The following GSE1 variants were observed in gnomAD, a reference collection of about 807,000 sequenced individuals.
GSE1 encodes the protein Gse1 coiled-coil protein, also known as genetic suppressor element 1.
Under a neutral mutation model 112.6 loss-of-function variants are expected in GSE1, and 32 were observed. That is an observed-to-expected ratio of 0.28 (90% CI 0.21 to 0.38). GSE1 has a LOEUF of 0.38. Among genes scored for constraint, GSE1 ranks in the 10% least tolerant of loss-of-function variants. The pLI is 1.00. For synonymous variants in GSE1, 1,115 were observed against 735.6 expected (o/e 1.52, Z -8.35); for missense variants, 2,348 against 1,699.2 (o/e 1.38, Z -6.71).
chr16:85,287,161 C>T (rs889972341), intron 1 of GSE1, among the ~76,000 whole-genome samples: 2 of 152,208 alleles, frequency 1.3e-5, no homozygotes, highest in African/African-American at 4.8e-5. Flanking sequence ...CAGCTGGAGG[C>T]GAGTGCCGGG....
At chr16:85,352,164 C>G (rs1270313688) in intron 1 of GSE1, among the ~76,000 whole-genome samples, 1 of 152,150 alleles carries the variant, frequency 6.6e-6, no homozygotes, top group African/African-American at 2.4e-5. Flanking sequence ...TCCCCCACAC[C>G]CTCCTCCCCT....
intron 1 of GSE1, among the ~76,000 whole-genome samples, chr16:85,178,361 G>T (rs894491139): frequency 1.3e-5 from 2 of 152,132 alleles, no homozygotes; most frequent in Non-Finnish European, 2.9e-5. Context: ...CATGGAGCCA[G>T]AAGAGGGGAC....
intron 2 of GSE1, among the ~76,000 whole-genome samples, chr16:85,382,922 ACACACGCG>A (rs2047586445): frequency 6.6e-6 from 1 of 151,806 alleles, no homozygotes; most frequent in African/African-American, 2.4e-5. Flanking sequence ...ACATACATGC[ACACACGCG>A]CACACAACAC....
At chr16:85,217,024 G>A (rs1227276102) in intron 1 of GSE1, among the ~76,000 whole-genome samples, 5 of 152,228 alleles carry the variant, frequency 3.3e-5, no homozygotes, top group Non-Finnish European at 7.3e-5. Flanking sequence ...ACACAGGGCC[G>A]TAGAGGCGAG....
At chr16:85,213,964 CAG>C (rs1268200077) in intron 1 of GSE1, among the ~76,000 whole-genome samples, 1 of 152,184 alleles carries the variant, frequency 6.6e-6, no homozygotes, top group Non-Finnish European at 1.5e-5. Context: ...TTCCATGAGA[CAG>C]AGAAAAAGAG....
intron 2 of GSE1, among the ~76,000 whole-genome samples, chr16:85,507,900 C>T (rs555788826): frequency 1.3e-5 from 2 of 152,312 alleles, no homozygotes; most frequent in South Asian, 4.1e-4. Context: ...GTTGCGAGCA[C>T]ACGCCTCGTG....
Position 85,301,050 on chromosome 16 carries a change from T to C in GSE1, c.2284-56413T>C, listed in dbSNP as rs537674068. ...GCCACCTTCCCCCACTACACAGAAT[T>C]CCCCTGTGGTTGCACCTACCGGCTC... On this transcript the variant is annotated intron_variant, in intron 1 of 2. Transcript: ENST00000637419. Among the ~76,000 whole-genome samples, 625 of 152,142 alleles carry C rather than the reference T, an allele frequency of 4.1e-3. 3 individuals are homozygous for C. The highest frequency in any genetic ancestry group is 4.8e-3 in the Admixed American group (73 of 15,306).
chr16:85,222,648 C>G (rs745993797), intron 1 of GSE1, among the ~76,000 whole-genome samples: 80 of 152,198 alleles, frequency 5.3e-4, no homozygotes, highest in African/African-American at 1.9e-3. Flanking sequence ...TTTACTGCCT[C>G]CTCCAACACA....
At chr16:85,191,082 A>C (rs527379433) in intron 1 of GSE1, among the ~76,000 whole-genome samples, 1 of 152,322 alleles carries the variant, frequency 6.6e-6, no homozygotes, top group African/African-American at 2.4e-5. Context: ...AACATGGTGA[A>C]ACCCTGTCTC....
chr16:85,516,426 C>T (rs1235981413), intron 2 of GSE1, among the ~76,000 whole-genome samples: 1 of 143,108 alleles, frequency 7.0e-6, no homozygotes. Context: ...TGGAGATCAG[C>T]CTGGGCTGCA....
At chr16:85,663,166 AC>A in intron 10 of GSE1, 73 bp downstream of exon 10, 4 of 1,255,382 alleles carry the variant, frequency 3.2e-6, no homozygotes, top group Non-Finnish European at 4.6e-6. Context: ...CCTGCAGTCC[AC>A]CCCACTGTTG....
intron 1 of GSE1, among the ~76,000 whole-genome samples, chr16:85,618,548 G>A (rs1056256378): frequency 6.6e-6 from 1 of 152,238 alleles, no homozygotes; most frequent in African/African-American, 2.4e-5. Context: ...TGTGGAATAG[G>A]AATGACAATG....
chr16:85,581,026 A>T (rs2046425944), intron 1 of GSE1, among the ~76,000 whole-genome samples: 2 of 152,228 alleles, frequency 1.3e-5, no homozygotes, highest in African/African-American at 4.8e-5. Context: ...CCAGGCATTG[A>T]GCTCTTGCCC....
rs886696975 is a variant in GSE1, at chr16:85,317,422, C to A, written c.2284-40041C>A. On this transcript the variant is annotated intron_variant, in intron 1 of 2. Transcript: ENST00000637419. ...TGCTGCAGACTCATGCCCCCAGGAC[C>A]AGCCTCAGCCAGCAGCCCCAGGAAG... is the stretch of plus-strand genomic sequence containing the variant. Among the ~76,000 whole-genome samples, 64 of 152,276 alleles carry A rather than the reference C, an allele frequency of 4.2e-4. 2 individuals carry two copies. Among genetic ancestry groups the A allele is most frequent in the African/African-American group, 1.5e-3 (62 of 41,556 alleles).
In GSE1 at chr16:85,648,710, A is replaced by G. The variant is rs1377324509; in HGVS notation, c.385A>G (p.Thr129Ala). 2 of 1,607,610 alleles carry G rather than the reference A, an allele frequency of 1.2e-6. No individual in the cohort carries two copies. Among genetic ancestry groups the G allele is most frequent in the Non-Finnish European group, 1.7e-6 (2 of 1,177,672 alleles). The change falls in exon 3 of 16, where the codon ACC becomes GCC. Residue 129 changes from threonine (T) to alanine (A), a missense_variant. Coordinates refer to ENST00000253458, the MANE Select transcript of GSE1 (RefSeq NM_014615.5). ...CCCCCCCGTGGTGACCATCGCTCCA[A>G]CCAAAACCGTGAATGGTGTCTGGAG... ...STPPVVTIAP[T>A]KTVNGVWRSE...
Position 85,302,839 on chromosome 16 carries a change from A to G in GSE1, c.2284-54624A>G, listed in dbSNP as rs531767302. ...AGGGTGGGTGAGGTCAGCGGCTGTC[A>G]CAAGTAACCCTGCGTCTTCAGTGGC... is the stretch of plus-strand genomic sequence containing the variant. On this transcript the variant is annotated intron_variant, in intron 1 of 2. Coordinates refer to the GSE1 transcript ENST00000637419. 3.5e-3 allele frequency among the ~76,000 whole-genome samples: 538 copies of G among 152,306 alleles called. 9 individuals are homozygous for G. The highest frequency in any genetic ancestry group is 0.012 in the African/African-American group (514 of 41,566).
chr16:85,559,749 C>T (rs1321856331), intron 1 of GSE1, among the ~76,000 whole-genome samples: 3 of 152,218 alleles, frequency 2.0e-5, no homozygotes, highest in Non-Finnish European at 4.4e-5. Flanking sequence ...AATTGTATCT[C>T]CCTCAGGATC....
At chr16:85,170,222 C>T in exon 1 of GSE1, 1 of 985,366 alleles carries the variant, frequency 1.0e-6, no homozygotes, top group South Asian at 4.7e-5. Flanking sequence ...CAGGGGCGCG[C>T]GGAGGAGGAG....
intron 1 of GSE1, among the ~76,000 whole-genome samples, chr16:85,221,464 G>C (rs528923224): frequency 5.5e-4 from 83 of 151,766 alleles, no homozygotes; most frequent in African/African-American, 2.0e-3. Context: ...CACACACACA[G>C]ACGCACACAG....
Sources: allele counts gnomAD v4.1 joint callset (sites outside exome capture counted in the v4.1 genomes callset), GRCh38; gene constraint gnomAD v4.1.1; transcripts MANE v1.5; gene names NCBI Gene and HGNC (gene_info 2026-07-23, HGNC 2026-07-21).